TMEM117: variants seen among roughly 807,000 people sequenced by gnomAD.
The protein encoded by TMEM117 is transmembrane protein 117.
A neutral mutation model predicts 52.4 loss-of-function variants in TMEM117; 27 were observed. The observed-to-expected ratio is 0.51, with a 90% CI of 0.38 to 0.71. The LOEUF (loss-of-function observed/expected upper bound fraction) is 0.71. TMEM117 is among the 30% of genes least tolerant of loss of function. The pLI is 0.00. For synonymous variants in TMEM117, 215 were observed against 206.3 expected, an observed-to-expected ratio of 1.04 and a Z score of -0.36; for missense variants, 556 against 630.5, an observed-to-expected ratio of 0.88 and a Z score of 1.26.
rs2137673415 is a variant in TMEM117, at chr12:43,964,987, C to T, written c.410+20645C>T. Among the ~76,000 whole-genome samples the T allele has an allele frequency of 1.3e-5, 2 of 152,244 alleles. 1 individual carries two copies. Among genetic ancestry groups the T allele is most frequent in the South Asian group, 4.1e-4 (2 of 4,824 alleles). On this transcript the variant is annotated intron_variant, in intron 3 of 7. Transcript: ENST00000266534. The stretch of plus-strand genomic sequence containing the variant: ...AAAATGTTATACCTTCTTATGTCTA[C>T]AAATTTAAAATAAGTCAAGAACACA...
chr12:44,091,832 A>G (rs1947677514), intron 3 of TMEM117, among the ~76,000 whole-genome samples: 1 of 152,222 alleles, frequency 6.6e-6, no homozygotes, highest in Non-Finnish European at 1.5e-5. Flanking sequence ...TTTTTCTGTT[A>G]GCCTCGAGAA....
chr12:44,344,494 A>G (rs982883296), intron 6 of TMEM117, among the ~76,000 whole-genome samples: 3 of 152,108 alleles, frequency 2.0e-5, no homozygotes, highest in Non-Finnish European at 4.4e-5. Flanking sequence ...AGTTGGCACC[A>G]ATAAGAATAT....
At chr12:43,887,341 A>G (rs1944015373) in intron 2 of TMEM117, among the ~76,000 whole-genome samples, 1 of 152,246 alleles carries the variant, frequency 6.6e-6, no homozygotes, top group South Asian at 2.1e-4. Flanking sequence ...GCCAGTTAAA[A>G]GTGAAGAAGG....
At chr12:44,222,906 T>C (rs1184523400) in intron 5 of TMEM117, among the ~76,000 whole-genome samples, 1 of 152,164 alleles carries the variant, frequency 6.6e-6, no homozygotes, top group Non-Finnish European at 1.5e-5. Flanking sequence ...AATGCTACAT[T>C]CTCTAAATCA....
the TMEM117 span, among the ~76,000 whole-genome samples, chr12:43,826,923 G>A: frequency 3.3e-5 from 5 of 152,024 alleles, no homozygotes; most frequent in South Asian, 2.1e-4. Context: ...TCACAGATGC[G>A]TTAGTCTATG....
At chr12:44,209,562 A>G (rs1949618162) in intron 4 of TMEM117, among the ~76,000 whole-genome samples, 3 of 152,152 alleles carry the variant, frequency 2.0e-5, no homozygotes. Flanking sequence ...ATGAACTGAA[A>G]GTTTATATTA....
intron 3 of TMEM117, among the ~76,000 whole-genome samples, chr12:43,963,541 A>G (rs1311193690): frequency 6.6e-6 from 1 of 152,240 alleles, no homozygotes; most frequent in Non-Finnish European, 1.5e-5. Flanking sequence ...AGCAGAAAAG[A>G]GATGAGCTAG....
chr12:43,957,816 T>C (rs1261136337), intron 3 of TMEM117, among the ~76,000 whole-genome samples: 1 of 152,216 alleles, frequency 6.6e-6, no homozygotes, highest in Non-Finnish European at 1.5e-5. Context: ...GCTTGGTCTT[T>C]TCAAATATTC....
intron 2 of TMEM117, among the ~76,000 whole-genome samples, chr12:43,857,325 T>TTA (rs1246602940): frequency 2.7e-5 from 4 of 150,676 alleles, no homozygotes; most frequent in Non-Finnish European, 4.4e-5. Context: ...TTTTTTTTTT[T>TTA]TTATTGTACT....
chr12:43,957,076 TC>T (rs1945320641), intron 3 of TMEM117, among the ~76,000 whole-genome samples: 13 of 152,136 alleles, frequency 8.5e-5, no homozygotes, highest in African/African-American at 3.1e-4. Flanking sequence ...CATTGCATAT[TC>T]TCACTTATAA....
At chr12:44,275,707 AC>A (rs1393341798) in intron 5 of TMEM117, among the ~76,000 whole-genome samples, 1 of 152,126 alleles carries the variant, frequency 6.6e-6, no homozygotes, top group Admixed American at 6.5e-5. Flanking sequence ...ACAAATAAGA[AC>A]ATCGCATGTT....
At chr12:44,312,672 C>A (rs1427643037) in intron 6 of TMEM117, among the ~76,000 whole-genome samples, 1 of 152,082 alleles carries the variant, frequency 6.6e-6, no homozygotes, top group Non-Finnish European at 1.5e-5. Context: ...TGTTTAAGTT[C>A]CTTGAGAAAT....
At chr12:44,133,527 G>T (rs528325251) in intron 3 of TMEM117, among the ~76,000 whole-genome samples, 1 of 151,736 alleles carries the variant, frequency 6.6e-6, no homozygotes, top group African/African-American at 2.4e-5. Context: ...TTTGACCGTG[G>T]TCTGATAGCT....
intron 3 of TMEM117, among the ~76,000 whole-genome samples, chr12:44,122,209 T>G (rs1344606462): frequency 2.0e-5 from 3 of 151,926 alleles, no homozygotes; most frequent in Non-Finnish European, 4.4e-5. Flanking sequence ...CATGCCTAGC[T>G]AATTTTTTGT....
Position 43,842,520 on chromosome 12 carries a change from G to A in TMEM117, c.-28-2104G>A, listed in dbSNP as rs181439116. Among the ~76,000 whole-genome samples the A allele has an allele frequency of 2.0e-4, 31 of 152,250 alleles. 1 individual carries two copies. In the East Asian group the frequency reaches 4.1e-3, roughly 20 times the overall value. On this transcript the variant is annotated intron_variant, in intron 1 of 7. Coordinates refer to ENST00000266534, the MANE Select transcript of TMEM117 (RefSeq NM_032256.3). ...GTCATGACAAGTCCTCATTAACTAA[G>A]ATTGTGGGTTGAATTGGCATTCGTC... is the stretch of plus-strand genomic sequence containing the variant.
intron 2 of TMEM117, among the ~76,000 whole-genome samples, chr12:43,883,232 A>G (rs985830333): frequency 1.3e-5 from 2 of 152,218 alleles, no homozygotes; most frequent in Admixed American, 6.5e-5. Context: ...TTTTCTCAAG[A>G]AGTGATTTTA....
At chr12:44,048,304 A>G (rs955664193) in intron 3 of TMEM117, among the ~76,000 whole-genome samples, 24 of 151,998 alleles carry the variant, frequency 1.6e-4, no homozygotes, top group African/African-American at 5.6e-4. Context: ...TCCAAATTTT[A>G]GCTTCATTGA....
intron 5 of TMEM117, among the ~76,000 whole-genome samples, chr12:44,262,150 G>A (rs1408222353): frequency 6.6e-6 from 1 of 152,074 alleles, no homozygotes; most frequent in Non-Finnish European, 1.5e-5. Flanking sequence ...GGAGAAAAAA[G>A]TGTAAAAGGT....
At chr12:44,000,362 T>G (rs1214500397) in intron 3 of TMEM117, among the ~76,000 whole-genome samples, 1 of 152,194 alleles carries the variant, frequency 6.6e-6, no homozygotes, top group African/African-American at 2.4e-5. Flanking sequence ...CGGGGCAGTC[T>G]TTGTGTACTC....
Sources: gnomAD v4.1 joint callset for allele counts (sites outside exome capture counted in the v4.1 genomes callset) on GRCh38, gnomAD v4.1.1 for gene constraint, MANE v1.5 for transcripts, NCBI Gene and HGNC (gene_info 2026-07-23, HGNC 2026-07-21) for gene names.